The following DGKB variants were observed in gnomAD, a reference collection of about 807,000 sequenced individuals.
DGKB encodes 90 kDa diacylglycerol kinase.
In DGKB, 67 loss-of-function variants were observed where a neutral mutation model predicts 114.3. That is an observed-to-expected ratio of 0.59 (90% CI 0.48 to 0.72). The LOEUF is 0.72. DGKB is among the 30% of genes least tolerant of loss of function. The pLI is 0.00. For synonymous variants in DGKB, 398 were observed against 323.1 expected, an observed-to-expected ratio of 1.23 and a Z score of -2.49; for missense variants, 907 against 975.2, an observed-to-expected ratio of 0.93 and a Z score of 0.93.
chr7:14,822,833 TTG>T (rs1305483133), intron 2 of DGKB, among the ~76,000 whole-genome samples: 4 of 152,100 alleles, frequency 2.6e-5, no homozygotes, highest in Non-Finnish European at 5.9e-5. Context: ...AAACACAAAA[TTG>T]CAAATTAAAG....
intron 8 of DGKB, 78 bp downstream of exon 8, chr7:14,698,017 G>GAGAAAGAA (rs937234038): frequency 1.5e-6 from 1 of 675,742 alleles, no homozygotes; most frequent in Non-Finnish European, 2.5e-6. Context: ...AAGAAAGAAA[G>GAGAAAGAA]AGAAAGAAAG....
At chr7:14,690,787 A>AT (rs1453304220) in intron 9 of DGKB, among the ~76,000 whole-genome samples, 8 of 152,152 alleles carry the variant, frequency 5.3e-5, no homozygotes, top group South Asian at 2.1e-4. Flanking sequence ...CAACAAAAAA[A>AT]GTGTTTTAAT....
chr7:14,589,561 T>C (rs1189366), intron 17 of DGKB, among the ~76,000 whole-genome samples: 96,769 of 151,682 alleles, frequency 0.64, 31,362 homozygotes, highest in African/African-American at 0.73. Context: ...TGATGGAGAT[T>C]TTTTATGAGG....
At chr7:14,825,050 ATATATATC>A in intron 2 of DGKB, among the ~76,000 whole-genome samples, 1 of 138,546 alleles carries the variant, frequency 7.2e-6, no homozygotes, top group African/African-American at 2.7e-5. Context: ...ATATATATAT[ATATATATC>A]ACATGTACTA....
chr7:14,431,335 C>T (rs895562794), intron 21 of DGKB, among the ~76,000 whole-genome samples: 7 of 152,080 alleles, frequency 4.6e-5, no homozygotes, highest in Admixed American at 4.6e-4. Flanking sequence ...TAACTTTAAG[C>T]AGTAATATTA....
In DGKB at chr7:14,558,667, C is replaced by T. The variant is rs1442541037; in HGVS notation, c.1770+15545G>A. ...TTTCTTGGTATCTTTTGAAAATCCA[C>T]CAAGCCGCTAAGAAAAACCAAGAGG... On this transcript the variant is annotated intron_variant, in intron 20 of 25. Coordinates refer to ENST00000402815, the MANE Select transcript of DGKB (RefSeq NM_001350709.2). Among the ~76,000 whole-genome samples, 9 of 152,230 alleles carry T rather than the reference C, an allele frequency of 5.9e-5. No individual in the cohort carries two copies. In the East Asian group the frequency reaches 1.7e-3, roughly 29 times the overall value.
At chr7:14,806,981 T>G (rs1035029167) in intron 2 of DGKB, among the ~76,000 whole-genome samples, 1 of 151,924 alleles carries the variant, frequency 6.6e-6, no homozygotes, top group Non-Finnish European at 1.5e-5. Flanking sequence ...TGCAAACTAG[T>G]TGGGTATTCA....
At chr7:14,209,183 A>AC in intron 23 of DGKB, 1 of 240,676 alleles carries the variant, frequency 4.2e-6, no homozygotes, top group Non-Finnish European at 7.2e-6. Context: ...GAAAAAAAAA[A>AC]AACGCCAAAT....
At chr7:14,450,632 A>C (rs377689371) in intron 21 of DGKB, among the ~76,000 whole-genome samples, 1 of 152,206 alleles carries the variant, frequency 6.6e-6, no homozygotes, top group Admixed American at 6.6e-5. Context: ...TATGGCAATC[A>C]AAGAATCCTA....
At chr7:14,729,278 A>AAG (rs1295411583) in intron 5 of DGKB, among the ~76,000 whole-genome samples, 1 of 137,818 alleles carries the variant, frequency 7.3e-6, no homozygotes. Flanking sequence ...GCCTGCCACC[A>AAG]CATCCGGCTA....
exon 1 of DGKB, chr7:14,974,757 C>T (rs570781045): frequency 1.3e-5 from 2 of 152,162 alleles, no homozygotes; most frequent in South Asian, 4.2e-4. Context: ...ATTCCCTAGC[C>T]AGTAAGGTAC....
At chr7:14,279,493 T>G (rs529990870) in intron 23 of DGKB, among the ~76,000 whole-genome samples, 14 of 152,304 alleles carry the variant, frequency 9.2e-5, no homozygotes, top group African/African-American at 3.1e-4. Flanking sequence ...TCTGACAGCT[T>G]TGGAGAGAGC....
intron 1 of DGKB, among the ~76,000 whole-genome samples, chr7:14,955,433 T>C (rs992380400): frequency 1.3e-5 from 2 of 152,056 alleles, no homozygotes; most frequent in African/African-American, 4.8e-5. Flanking sequence ...TACGCTTTCC[T>C]TTAAGCAAAA....
chr7:14,224,814 A>T (rs558862899), intron 23 of DGKB, among the ~76,000 whole-genome samples: 2 of 152,120 alleles, frequency 1.3e-5, no homozygotes, highest in East Asian at 3.9e-4. Context: ...ACACTCTTTG[A>T]CTATCTCTTT....
intron 23 of DGKB, among the ~76,000 whole-genome samples, chr7:14,292,052 T>A (rs753470498): frequency 1.3e-5 from 2 of 152,178 alleles, no homozygotes; most frequent in Non-Finnish European, 2.9e-5. Context: ...GTGAATGTTA[T>A]TTTTAGCACT....
chr7:14,824,241 C>A (rs540234181), intron 2 of DGKB, among the ~76,000 whole-genome samples: 1 of 152,256 alleles, frequency 6.6e-6, no homozygotes, highest in African/African-American at 2.4e-5. Context: ...CACAGACAAA[C>A]CATATCGCTG....
At chr7:14,912,379 C>T (rs1784044476) in intron 1 of DGKB, among the ~76,000 whole-genome samples, 1 of 152,006 alleles carries the variant, frequency 6.6e-6, no homozygotes, top group Non-Finnish European at 1.5e-5. Context: ...TATTTTCCTG[C>T]AATAAGAACA....
chr7:14,367,054 A>G (rs1467425176), intron 21 of DGKB, among the ~76,000 whole-genome samples: 1 of 152,136 alleles, frequency 6.6e-6, no homozygotes, highest in Non-Finnish European at 1.5e-5. Flanking sequence ...ATCCTTTCCC[A>G]GGCTAGAGAC....
intron 2 of DGKB, among the ~76,000 whole-genome samples, chr7:14,773,897 T>G (rs1276623109): frequency 2.0e-5 from 3 of 150,166 alleles, no homozygotes; most frequent in African/African-American, 7.6e-5. Context: ...GCCTTTTAAG[T>G]GTTTTGTAGT....
Sources: gnomAD v4.1 joint callset for allele counts (sites outside exome capture counted in the v4.1 genomes callset) on GRCh38, gnomAD v4.1.1 for gene constraint, MANE v1.5 for transcripts, NCBI Gene and HGNC (gene_info 2026-07-23, HGNC 2026-07-21) for gene names.